LPP: variants seen among roughly 807,000 people sequenced by gnomAD.
The protein encoded by LPP is lipoma-preferred partner.
In LPP, 38 loss-of-function variants were observed where a neutral mutation model predicts 60.4. The ratio of observed to expected loss-of-function variants is 0.63; its 90% CI spans 0.49 to 0.83. The LOEUF (loss-of-function observed/expected upper bound fraction) is 0.83. LPP is among the 40% of genes least tolerant of loss of function. LPP has a pLI of 0.00. For missense variants in LPP, 902 were observed against 783.6 expected, an observed-to-expected ratio of 1.15 and a Z score of -1.80; for synonymous variants, 328 against 290.8, an observed-to-expected ratio of 1.13 and a Z score of -1.30.
Position 188,751,117 on chromosome 3 carries a change from T to C in LPP, c.1241-8996T>C, listed in dbSNP as rs148197429. Among the ~76,000 whole-genome samples, 704 of 152,318 alleles carry C rather than the reference T, an allele frequency of 4.6e-3. 5 individuals carry two copies. The highest frequency in any genetic ancestry group is 0.013 in the African/African-American group (552 of 41,564). The stretch of plus-strand genomic sequence containing the variant: ...CTTGATGACTTCACAGAGGGAAGAT[T>C]ATTCTGTTGCTGGCTGCTGAAATAC... On this transcript the variant is annotated intron_variant, in intron 8 of 11. Coordinates refer to ENST00000617246, the MANE Select transcript of LPP (RefSeq NM_001375462.1).
chr3:188,608,001 T>TG (rs1842861407), intron 6 of LPP, among the ~76,000 whole-genome samples: 2 of 152,170 alleles, frequency 1.3e-5, no homozygotes, highest in Non-Finnish European at 2.9e-5. Flanking sequence ...GTGAGGTTAA[T>TG]GGGGGGAGAG....
At chr3:188,745,428 T>C (rs550912605) in intron 8 of LPP, among the ~76,000 whole-genome samples, 13 of 152,148 alleles carry the variant, frequency 8.5e-5, no homozygotes, top group South Asian at 2.1e-4. Flanking sequence ...CTGTATTCAT[T>C]TGTGAATTTT....
intron 3 of LPP, among the ~76,000 whole-genome samples, chr3:188,351,165 G>C (rs1426491190): frequency 1.3e-5 from 2 of 152,158 alleles, no homozygotes. Context: ...CCTGGCACAG[G>C]GCCCCAGACA....
chr3:188,287,707 T>C (rs1744440497), intron 2 of LPP, among the ~76,000 whole-genome samples: 2 of 152,216 alleles, frequency 1.3e-5, no homozygotes, highest in African/African-American at 2.4e-5. Context: ...GTTCTTTTTT[T>C]CTCTGGCAAG....
At chr3:188,396,475 G>A (rs1167373511) in intron 3 of LPP, among the ~76,000 whole-genome samples, 1 of 152,184 alleles carries the variant, frequency 6.6e-6, no homozygotes, top group East Asian at 1.9e-4. Flanking sequence ...GTTTGAACAA[G>A]CTGTCAGGGA....
rs150772165 is a variant in LPP at position 188,367,400 on chromosome 3, G to A, written c.-10+25681G>A. Reference sequence around the variant, plus strand: ...ACTCTGAGTGTCAAATATTTTAGTTGCCTATTGTCACATCTATTATAAAAT... The same window carrying A: ...ACTCTGAGTGTCAAATATTTTAGTTACCTATTGTCACATCTATTATAAAAT... On this transcript the variant is annotated intron_variant, in intron 3 of 11. Transcript: ENST00000617246. 7.3e-3 allele frequency among the ~76,000 whole-genome samples: 1,111 copies of A among 152,096 alleles called. 6 individuals carry two copies. Among genetic ancestry groups the A allele is most frequent in the Middle Eastern group, 0.061 (18 of 294 alleles).
intron 2 of LPP, among the ~76,000 whole-genome samples, chr3:188,229,816 T>A (rs1447014503): frequency 6.6e-6 from 1 of 152,218 alleles, no homozygotes; most frequent in East Asian, 1.9e-4. Context: ...CCTTAGGGGA[T>A]CCGAATTCTC....
At chr3:188,392,572 G>A (rs186881007) in intron 3 of LPP, among the ~76,000 whole-genome samples, 14 of 152,208 alleles carry the variant, frequency 9.2e-5, no homozygotes, top group Admixed American at 2.6e-4. Flanking sequence ...TTGTTAAACC[G>A]TTGTTTTCCC....
chr3:188,687,248 T>TC (rs1860962968), intron 7 of LPP, among the ~76,000 whole-genome samples: 1 of 152,162 alleles, frequency 6.6e-6, no homozygotes. Context: ...ATTTCCTCTC[T>TC]CCCCCACCCT....
chr3:188,214,790 C>G (rs534697202), intron 1 of LPP, among the ~76,000 whole-genome samples: 1 of 152,078 alleles, frequency 6.6e-6, no homozygotes, highest in African/African-American at 2.4e-5. Context: ...GGGACAGGGA[C>G]AGTAAGAGGT....
rs976717211 is a variant in LPP at position 188,378,315 on chromosome 3, C to G, written c.-9-27797C>G. Among the ~76,000 whole-genome samples, 11 of 152,352 alleles carry G rather than the reference C, an allele frequency of 7.2e-5. 3 individuals carry two copies. Among genetic ancestry groups the G allele is most frequent in the East Asian group, 1.9e-4 (1 of 5,170 alleles). On this transcript the variant is annotated intron_variant, in intron 3 of 11. Transcript: ENST00000617246. Reference sequence around the variant, plus strand: ...GCCCTGCCCCCAGAGGTGGAGCCTACAGAGGCAGGCAGGCCTCCTTGAGCT... The same window carrying G: ...GCCCTGCCCCCAGAGGTGGAGCCTAGAGAGGCAGGCAGGCCTCCTTGAGCT...
intron 7 of LPP, among the ~76,000 whole-genome samples, chr3:188,649,636 C>A (rs1851716478): frequency 1.6e-5 from 2 of 123,088 alleles, no homozygotes; most frequent in African/African-American, 6.0e-5. Flanking sequence ...ATCCTTTATT[C>A]TTCAAATAGT....
chr3:188,488,186 G>A (rs1420084627), intron 5 of LPP, among the ~76,000 whole-genome samples: 1 of 152,096 alleles, frequency 6.6e-6, no homozygotes, highest in Non-Finnish European at 1.5e-5. Context: ...TAGTCCTCTA[G>A]CAGACTTCAA....
chr3:188,680,887 T>C (rs1356638851), intron 7 of LPP, among the ~76,000 whole-genome samples: 1 of 152,176 alleles, frequency 6.6e-6, no homozygotes, highest in Non-Finnish European at 1.5e-5. Context: ...CTGAGTATCC[T>C]TGCATTCATG....
intron 7 of LPP, among the ~76,000 whole-genome samples, chr3:188,669,493 G>A (rs1856515219): frequency 6.6e-6 from 1 of 152,100 alleles, no homozygotes; most frequent in Non-Finnish European, 1.5e-5. Flanking sequence ...GGAGAATGGT[G>A]TGAACCTGGG....
At chr3:188,240,419 A>T in intron 2 of LPP, among the ~76,000 whole-genome samples, 1 of 151,130 alleles carries the variant, frequency 6.6e-6, no homozygotes, top group East Asian at 1.9e-4. Flanking sequence ...GGAACAAATG[A>T]AGAGGGAGAG....
intron 4 of LPP, among the ~76,000 whole-genome samples, chr3:188,464,979 G>GGA (rs1800010560): frequency 9.7e-6 from 1 of 102,994 alleles, no homozygotes; most frequent in Non-Finnish European, 2.0e-5. Context: ...GCTTACTATG[G>GGA]AAAAAAAAAA....
rs1578125765 is a variant in LPP at position 188,881,265 on chromosome 3, C to T, written c.*6786C>T. 1 of 188,650 alleles carries T rather than the reference C, an allele frequency of 5.3e-6. No homozygotes were observed. The highest frequency in any genetic ancestry group is 8.4e-5 in the East Asian group (1 of 11,868). 11.7% of individuals were successfully genotyped at this position (188,650 alleles called of 1,614,324 possible). On this transcript the variant is annotated 3_prime_UTR_variant, in exon 12 of 12. Transcript: ENST00000617246. ...GCCAGTATGTAGTTGCGCTCACATA[C>T]GTCTATTCTAGCTCTGTAGCTCCAC... is the stretch of plus-strand genomic sequence containing the variant.
chr3:188,507,075 G>A (rs1431559775), intron 5 of LPP, among the ~76,000 whole-genome samples: 1 of 100,774 alleles, frequency 9.9e-6, no homozygotes, highest in South Asian at 4.5e-4. Context: ...GGGATTACAG[G>A]CATGAGCCAC....
Sources: allele counts gnomAD v4.1 joint callset (sites outside exome capture counted in the v4.1 genomes callset), GRCh38; gene constraint gnomAD v4.1.1; transcripts MANE v1.5; gene names NCBI Gene and HGNC (gene_info 2026-07-23, HGNC 2026-07-21).